The following PTPRM variants were observed in gnomAD, a reference collection of about 807,000 sequenced individuals.
PTPRM encodes receptor-type tyrosine-protein phosphatase mu.
A neutral mutation model predicts 186.7 loss-of-function variants in PTPRM; 47 were observed. The ratio of observed to expected loss-of-function variants is 0.25; its 90% confidence interval spans 0.20 to 0.32. The LOEUF (loss-of-function observed/expected upper bound fraction) is 0.32. Ranked by LOEUF, PTPRM falls within the 10% of genes least tolerant of loss-of-function variation. PTPRM has a pLI of 1.00. For synonymous variants in PTPRM, 668 were observed against 674.9 expected, an observed-to-expected ratio of 0.99 and a Z score of 0.16; for missense variants, 1,494 against 1,865.0, an observed-to-expected ratio of 0.80 and a Z score of 3.66.
At chr18:8,171,484 C>T (rs1368361799) in intron 14 of PTPRM, among the ~76,000 whole-genome samples, 1 of 152,140 alleles carries the variant, frequency 6.6e-6, no homozygotes, top group Non-Finnish European at 1.5e-5. Flanking sequence ...CTGTAAACAG[C>T]TTGGACCTCT....
intron 1 of PTPRM, among the ~76,000 whole-genome samples, chr18:7,679,815 A>G (rs530888462): frequency 6.6e-6 from 1 of 152,284 alleles, no homozygotes; most frequent in Non-Finnish European, 1.5e-5. Context: ...ACTGTGCTCC[A>G]TTAGCTTGTC....
At chr18:7,983,479 C>A (rs2082669357) in intron 7 of PTPRM, among the ~76,000 whole-genome samples, 1 of 152,148 alleles carries the variant, frequency 6.6e-6, no homozygotes, top group Non-Finnish European at 1.5e-5. Flanking sequence ...TGCCCTGCCC[C>A]TGTCCTGCCA....
At chr18:8,042,321 G>A (rs552935579) in intron 7 of PTPRM, among the ~76,000 whole-genome samples, 2 of 152,006 alleles carry the variant, frequency 1.3e-5, no homozygotes, top group Non-Finnish European at 2.9e-5. Flanking sequence ...GACTAAAAAC[G>A]TATTTATCTT....
At chr18:8,208,931 G>A (rs945708655) in intron 14 of PTPRM, among the ~76,000 whole-genome samples, 5 of 152,300 alleles carry the variant, frequency 3.3e-5, no homozygotes, top group African/African-American at 1.2e-4. Context: ...ATAAGCATGC[G>A]TGCTCTGGGA....
At chr18:8,118,809 A>T (rs866166244) in intron 13 of PTPRM, among the ~76,000 whole-genome samples, 131 of 134,824 alleles carry the variant, frequency 9.7e-4, no homozygotes, top group African/African-American at 2.5e-3. Context: ...CAAAAAAAAA[A>T]AAATATATAT....
intron 3 of PTPRM, among the ~76,000 whole-genome samples, chr18:7,904,506 G>A (rs2049873544): frequency 6.6e-6 from 1 of 152,132 alleles, no homozygotes; most frequent in African/African-American, 2.4e-5. Context: ...TACATAAATG[G>A]AATCATAGAG....
At chr18:7,909,194 C>G (rs2050143207) in intron 4 of PTPRM, among the ~76,000 whole-genome samples, 1 of 152,196 alleles carries the variant, frequency 6.6e-6, no homozygotes, top group African/African-American at 2.4e-5. Context: ...GCAGCAAAGA[C>G]CTAAAGACTT....
intron 2 of PTPRM, among the ~76,000 whole-genome samples, chr18:7,831,760 T>C (rs2045773741): frequency 6.6e-6 from 1 of 152,140 alleles, no homozygotes; most frequent in South Asian, 2.1e-4. Context: ...TCATCTCCAC[T>C]TCCCTCCTAA....
At chr18:8,175,660 G>T (rs2093469877) in intron 14 of PTPRM, among the ~76,000 whole-genome samples, 2 of 152,246 alleles carry the variant, frequency 1.3e-5, no homozygotes, top group African/African-American at 4.8e-5. Flanking sequence ...TAAAGCTAAT[G>T]AACTGTAGCT....
At chr18:7,656,279 A>G (rs2038845944) in intron 1 of PTPRM, among the ~76,000 whole-genome samples, 1 of 152,222 alleles carries the variant, frequency 6.6e-6, no homozygotes, top group Admixed American at 6.5e-5. Flanking sequence ...ACACAAATGA[A>G]CCTTGAGGAC....
intron 19 of PTPRM, among the ~76,000 whole-genome samples, chr18:8,271,490 A>G (rs900239001): frequency 2.0e-4 from 31 of 152,040 alleles, no homozygotes; most frequent in Non-Finnish European, 2.1e-4. Context: ...ATATTTTCAT[A>G]TTGTGATTTT....
At position 8,070,181 on chromosome 18, in the gene PTPRM, A is replaced by G. The variant is rs539504663; in HGVS notation, c.1441+187A>G. ...GGGAAAAGGGAGTAGAGATATAGAA[A>G]TGTCATTCTTTATTACTCATACAGT... On this transcript the variant is annotated intron_variant, in intron 8 of 32. Transcript: ENST00000580170. 2.0e-5 allele frequency among the ~76,000 whole-genome samples: 3 copies of G among 152,292 alleles called. No homozygotes were observed. In the South Asian group the frequency reaches 6.2e-4, roughly 32 times the overall value.
At position 8,163,933 on chromosome 18, in the gene PTPRM, TCATTTCTCTTTCAGATG is replaced by T. The variant is rs2093275727; in HGVS notation, c.2300+20155_2300+20171del. On this transcript the variant is annotated intron_variant, in intron 14 of 32. Transcript: ENST00000580170. ...TTAGTTAAATCGAGGACACTAGCAA[TCATTTCTCTTTCAGATG>T]TTATACTGCTAATTTTAGTGATAAT... 2.0e-5 allele frequency among the ~76,000 whole-genome samples: 3 copies of T among 152,246 alleles called. No homozygotes were observed. In the South Asian group the frequency reaches 6.2e-4, roughly 31 times the overall value.
At position 8,226,200 on chromosome 18, in the gene PTPRM, T is replaced by C. The variant is rs190854990; in HGVS notation, c.2301-17858T>C. Among the ~76,000 whole-genome samples, 3 of 152,342 alleles carry C rather than the reference T, an allele frequency of 2.0e-5. No homozygotes were observed. In the East Asian group the frequency reaches 5.8e-4, roughly 29 times the overall value. On this transcript the variant is annotated intron_variant, in intron 14 of 32. Coordinates refer to ENST00000580170, the MANE Select transcript of PTPRM (RefSeq NM_001105244.2). ...CATAACACAACTTTGGTGATGCTTT[T>C]GAGACTTCATTTTAATTTTTGAAAA...
At chr18:7,664,980 C>T (rs762805340) in intron 1 of PTPRM, among the ~76,000 whole-genome samples, 4 of 152,066 alleles carry the variant, frequency 2.6e-5, no homozygotes, top group Non-Finnish European at 5.9e-5. Context: ...TGAGATGTCA[C>T]TACCTTAGTG....
intron 2 of PTPRM, among the ~76,000 whole-genome samples, chr18:7,880,987 A>G (rs1182374612): frequency 2.0e-5 from 3 of 152,182 alleles, no homozygotes; most frequent in Admixed American, 6.5e-5. Flanking sequence ...GCAAAATGCA[A>G]TTGAGTTAGA....
rs1450424743 is a variant in PTPRM at position 7,658,960 on chromosome 18, C to A, written c.73+91069C>A. On this transcript the variant is annotated intron_variant, in intron 1 of 32. Coordinates refer to ENST00000580170, the MANE Select transcript of PTPRM (RefSeq NM_001105244.2). ...ACCAACCTTGCTTCTGCCTCAGGGC[C>A]TTTGCCCTTTCTGTGCATCTGCCTG... Among the ~76,000 whole-genome samples, 4 of 152,148 alleles carry A rather than the reference C, an allele frequency of 2.6e-5. No individual in the cohort carries two copies. The East Asian group carries it at 7.7e-4, about 29-fold the overall frequency.
intron 14 of PTPRM, among the ~76,000 whole-genome samples, chr18:8,157,943 A>T (rs1330014502): frequency 6.6e-6 from 1 of 151,882 alleles, no homozygotes; most frequent in Non-Finnish European, 1.5e-5. Context: ...ATCTGTGTGG[A>T]CTCCCTGAGC....
chr18:7,714,927 C>G (rs1430516061), intron 1 of PTPRM, among the ~76,000 whole-genome samples: 2 of 152,090 alleles, frequency 1.3e-5, no homozygotes, highest in East Asian at 3.9e-4. Flanking sequence ...CAGCCGAATT[C>G]TACGAGAGGT....
Sources: allele counts gnomAD v4.1 joint callset (sites outside exome capture counted in the v4.1 genomes callset), GRCh38; gene constraint gnomAD v4.1.1; transcripts MANE v1.5; gene names NCBI Gene and HGNC (gene_info 2026-07-23, HGNC 2026-07-21).